SVOPL: variants seen among roughly 807,000 people sequenced by gnomAD.
SVOPL encodes the protein SVOP like.
Under a neutral mutation model 61.0 loss-of-function variants are expected in SVOPL, and 60 were observed. The observed-to-expected ratio is 0.98, with a 90% confidence interval of 0.80 to 1.22. The LOEUF is 1.22. SVOPL is among the 50% of genes most tolerant of loss of function. SVOPL has a pLI of 0.00. For synonymous variants in SVOPL, 279 were observed against 250.0 expected (o/e 1.12, Z -1.09); for missense variants, 662 against 643.9 (o/e 1.03, Z -0.30).
chr7:138,635,997 C>CA (rs1168732400), intron 9 of SVOPL, among the ~76,000 whole-genome samples: 1 of 152,176 alleles, frequency 6.6e-6, no homozygotes, highest in East Asian at 1.9e-4. Flanking sequence ...CAGCTTACTG[C>CA]AACCTCCTCC....
intron 14 of SVOPL, among the ~76,000 whole-genome samples, chr7:138,618,774 G>A (rs910739568): frequency 6.6e-6 from 1 of 151,706 alleles, no homozygotes; most frequent in Non-Finnish European, 1.5e-5. Context: ...GAAAAAGAAG[G>A]AAGGAAGGAA....
chr7:138,596,060 G>A (rs556676514), intron 15 of SVOPL, among the ~76,000 whole-genome samples: 18 of 151,830 alleles, frequency 1.2e-4, no homozygotes, highest in African/African-American at 4.3e-4. Flanking sequence ...ATGGTGGCAC[G>A]TGCATGTAGT....
At chr7:138,660,237 G>T in intron 5 of SVOPL, 1 of 1,195,340 alleles carries the variant, frequency 8.4e-7, no homozygotes. Context: ...ACCCTCATGG[G>T]TGGCAGGTCC....
In SVOPL at chr7:138,622,238, C is replaced by CTATCTATCTATG. The variant is rs1799685806; in HGVS notation, c.1264-1104_1264-1103insCATAGATAGATA. On this transcript the variant is annotated intron_variant, in intron 13 of 15. Transcript: ENST00000674285. Reference sequence around the variant, plus strand: ...TCTATCTATGTATCTATCTATGTATCTATCTATCTATCTATGTATCTATCT... The same window carrying CTATCTATCTATG: ...TCTATCTATGTATCTATCTATGTATCTATCTATCTATGTATCTATCTATCTATGTATCTATCT... Among the ~76,000 whole-genome samples the CTATCTATCTATG allele has an allele frequency of 1.0e-4, 6 of 58,544 alleles. 1 individual carries two copies. Among genetic ancestry groups the CTATCTATCTATG allele is most frequent in the Admixed American group, 3.6e-4 (2 of 5,562 alleles). 38.4% of individuals were successfully genotyped at this position (58,544 alleles called of 152,430 possible).
intron 7 of SVOPL, among the ~76,000 whole-genome samples, chr7:138,655,905 C>T (rs548005731): frequency 1.6e-4 from 24 of 152,208 alleles, no homozygotes; most frequent in African/African-American, 5.5e-4. Context: ...GGCAGTGGCA[C>T]AGTTTGGGAG....
At chr7:138,659,492 G>GAAAAA (rs11295502) in intron 6 of SVOPL, among the ~76,000 whole-genome samples, 1 of 140,112 alleles carries the variant, frequency 7.1e-6, no homozygotes, top group Non-Finnish European at 1.6e-5. Context: ...ACTCTATCTC[G>GAAAAA]AAAAAAAAAA....
intron 1 of SVOPL, among the ~76,000 whole-genome samples, chr7:138,690,162 A>G (rs1478573142): frequency 1.3e-5 from 2 of 152,174 alleles, no homozygotes; most frequent in Non-Finnish European, 2.9e-5. Flanking sequence ...GAAATGATCA[A>G]TTTCTCTTGT....
At chr7:138,621,826 C>G (rs62485310) in intron 13 of SVOPL, among the ~76,000 whole-genome samples, 28 of 10,102 alleles carry the variant, frequency 2.8e-3, no homozygotes, top group South Asian at 0.022. Flanking sequence ...ATCTATGTAT[C>G]TATGTATCTA....
intron 12 of SVOPL, among the ~76,000 whole-genome samples, chr7:138,626,258 A>G (rs1385060240): frequency 6.6e-6 from 1 of 152,062 alleles, no homozygotes; most frequent in Non-Finnish European, 1.5e-5. Context: ...CCATTCCCCA[A>G]CGCTGCCATT....
At chr7:138,668,661 G>C (rs1802336066) in intron 4 of SVOPL, among the ~76,000 whole-genome samples, 1 of 152,180 alleles carries the variant, frequency 6.6e-6, no homozygotes, top group Non-Finnish European at 1.5e-5. Flanking sequence ...CCTCAAGTGA[G>C]GGAATTTTCC....
intron 9 of SVOPL, among the ~76,000 whole-genome samples, chr7:138,641,824 AT>A (rs1800809970): frequency 7.1e-6 from 1 of 139,906 alleles, no homozygotes; most frequent in Non-Finnish European, 1.5e-5. Context: ...TTATATATAT[AT>A]ATATATATAA....
intron 15 of SVOPL, among the ~76,000 whole-genome samples, chr7:138,595,556 T>C (rs1293667080): frequency 1.3e-5 from 2 of 152,226 alleles, no homozygotes; most frequent in Non-Finnish European, 2.9e-5. Flanking sequence ...CATTTATATG[T>C]ATCATTATTT....
intron 1 of SVOPL, among the ~76,000 whole-genome samples, chr7:138,680,759 T>C (rs1802683965): frequency 6.6e-6 from 1 of 152,086 alleles, no homozygotes; most frequent in Non-Finnish European, 1.5e-5. Context: ...TTTGTATTTT[T>C]AGTAGACACG....
chr7:138,637,473 T>C, intron 9 of SVOPL, among the ~76,000 whole-genome samples: 1 of 24,234 alleles, frequency 4.1e-5, no homozygotes, highest in South Asian at 1.8e-3. Context: ...TATATAGATA[T>C]AGATATAGAT....
In SVOPL at chr7:138,634,336, T is replaced by C. The variant is rs139194006; in HGVS notation, c.790-4214A>G. Among the ~76,000 whole-genome samples the C allele has an allele frequency of 3.9e-3, 590 of 151,970 alleles. 19 individuals carry two copies. The highest frequency in any genetic ancestry group is 0.033 in the Admixed American group (507 of 15,240). On this transcript the variant is annotated intron_variant, in intron 9 of 15. Coordinates refer to ENST00000674285, the MANE Select transcript of SVOPL (RefSeq NM_001139456.2). ...GCCTGAGCAACATAGCAAGACCTCA[T>C]CTCTATGAAAAAATAAGAAAATTAA... is the stretch of plus-strand genomic sequence containing the variant.
chr7:138,686,405 C>CAA (rs200553829), intron 1 of SVOPL, among the ~76,000 whole-genome samples: 3,523 of 87,966 alleles, frequency 0.04, 191 homozygotes, highest in East Asian at 0.14. Context: ...GACTCCGCCT[C>CAA]AAAAAAAAAA....
intron 14 of SVOPL, among the ~76,000 whole-genome samples, chr7:138,599,357 T>C (rs1798418866): frequency 6.6e-6 from 1 of 152,076 alleles, no homozygotes; most frequent in Non-Finnish European, 1.5e-5. Flanking sequence ...ATTAGCAGTG[T>C]AGTGTTGGTG....
intron 14 of SVOPL, among the ~76,000 whole-genome samples, chr7:138,615,900 T>G (rs1799277017): frequency 6.6e-6 from 1 of 152,114 alleles, no homozygotes; most frequent in Non-Finnish European, 1.5e-5. Context: ...TTTCCCCTCT[T>G]TCTGGATGTG....
chr7:138,665,882 G>C (rs1316186544), intron 4 of SVOPL, among the ~76,000 whole-genome samples: 2 of 152,180 alleles, frequency 1.3e-5, no homozygotes, highest in South Asian at 2.1e-4. Context: ...AGGCAACAGA[G>C]GAGGAGCTCT....
Sources: allele counts gnomAD v4.1 joint callset (sites outside exome capture counted in the v4.1 genomes callset), GRCh38; gene constraint gnomAD v4.1.1; transcripts MANE v1.5; gene names NCBI Gene and HGNC (gene_info 2026-07-23, HGNC 2026-07-21).